PBRM1: variants seen among roughly 807,000 people sequenced by gnomAD.
PBRM1 encodes polybromo 1.
A neutral mutation model predicts 194.5 loss-of-function variants in PBRM1; 27 were observed. That is an observed-to-expected ratio of 0.14 (90% CI 0.10 to 0.19). The LOEUF (loss-of-function observed/expected upper bound fraction) is 0.19. Ranked by LOEUF, PBRM1 falls within the 10% of genes least tolerant of loss-of-function variation. The pLI, the probability that PBRM1 is intolerant of heterozygous loss-of-function variation, is 1.00. For synonymous variants in PBRM1, 655 were observed against 693.2 expected (o/e 0.94, Z 0.87); for missense variants, 1,466 against 2,077.2 (o/e 0.71, Z 5.72).
chr3:52,598,890 C>T (rs574567774), intron 17 of PBRM1, among the ~76,000 whole-genome samples: 5 of 152,070 alleles, frequency 3.3e-5, no homozygotes, highest in Admixed American at 6.5e-5. Context: ...GGTGTGGTGG[C>T]GCACGCCTGT....
chr3:52,568,101 C>G (rs1222778860), intron 22 of PBRM1, among the ~76,000 whole-genome samples: 1 of 152,012 alleles, frequency 6.6e-6, no homozygotes, highest in Non-Finnish European at 1.5e-5. Context: ...GCTTCAGTCT[C>G]CCAGGTAGCT....
chr3:52,679,826 A>G (rs2097172502), upstream of PBRM1: 3 of 813,208 alleles, frequency 3.7e-6, no homozygotes, highest in Non-Finnish European at 3.7e-6. Context: ...ACTTAGGAGG[A>G]TATTTTAACG....
At chr3:52,662,554 A>T (rs2096745691) in intron 3 of PBRM1, among the ~76,000 whole-genome samples, 1 of 152,178 alleles carries the variant, frequency 6.6e-6, no homozygotes. Context: ...ATGACCGGGC[A>T]CAGTGGCTCA....
intron 11 of PBRM1, among the ~76,000 whole-genome samples, chr3:52,633,602 C>G (rs981668970): frequency 5.3e-5 from 8 of 152,104 alleles, no homozygotes; most frequent in Non-Finnish European, 1.0e-4. Flanking sequence ...TTTTCCACAG[C>G]GTCTATACCA....
chr3:52,634,480 G>A (rs1405362523), intron 11 of PBRM1, 122 bp downstream of exon 12: 4 of 631,894 alleles, frequency 6.3e-6, no homozygotes, highest in African/African-American at 3.8e-5. Flanking sequence ...TAAAATTTGA[G>A]GTTAAAAAAA....
intron 7 of PBRM1, among the ~76,000 whole-genome samples, chr3:52,647,966 G>T (rs1380317529): frequency 4.0e-5 from 6 of 151,646 alleles, no homozygotes; most frequent in African/African-American, 1.5e-4. Flanking sequence ...GCCCGGGCTG[G>T]AGTGCAATCT....
intron 20 of PBRM1, among the ~76,000 whole-genome samples, chr3:52,580,796 A>G (rs1379535429): frequency 6.6e-6 from 1 of 152,218 alleles, no homozygotes; most frequent in Non-Finnish European, 1.5e-5. Flanking sequence ...TGGCCACCAG[A>G]TAGGGTTGTT....
At chr3:52,642,620 A>C (rs1429365771) in intron 9 of PBRM1, among the ~76,000 whole-genome samples, 1 of 151,514 alleles carries the variant, frequency 6.6e-6, no homozygotes, top group Non-Finnish European at 1.5e-5. Flanking sequence ...AAAAAAAAAA[A>C]AAAAAAAACC....
chr3:52,672,146 T>C (rs1043899895), intron 2 of PBRM1, among the ~76,000 whole-genome samples: 15 of 152,212 alleles, frequency 9.9e-5, no homozygotes, highest in Admixed American at 6.5e-4. Context: ...TTTCCTTGCC[T>C]TTTTCAGCTT....
rs575438044 is a variant in PBRM1, at chr3:52,583,508, C to T, written c.3387+2917G>A. ...ATCAGTCTTTTCAACTCTTGCCATC[C>T]TGTTAGGTATTATACAAACTATTAG... On this transcript the variant is annotated intron_variant, in intron 20 of 29. Transcript: ENST00000296302. Among the ~76,000 whole-genome samples, 43 of 151,924 alleles carry T rather than the reference C, an allele frequency of 2.8e-4. No homozygotes were observed. In the South Asian group the frequency reaches 7.5e-3, roughly 26 times the overall value.
At chr3:52,664,239 A>AAAAT (rs1185019302) in intron 3 of PBRM1, among the ~76,000 whole-genome samples, 5 of 151,848 alleles carry the variant, frequency 3.3e-5, no homozygotes, top group Admixed American at 2.0e-4. Flanking sequence ...TCTCTTTAAA[A>AAAAT]AAATAAATAA....
intron 25 of PBRM1, among the ~76,000 whole-genome samples, chr3:52,559,239 T>C (rs770117026): frequency 4.6e-5 from 7 of 152,244 alleles, no homozygotes; most frequent in East Asian, 3.9e-4. Context: ...AAAAAGAGCA[T>C]TTGCTGTGGC....
intron 15 of PBRM1, among the ~76,000 whole-genome samples, chr3:52,610,542 T>C (rs1469265364): frequency 6.6e-6 from 1 of 152,196 alleles, no homozygotes; most frequent in Non-Finnish European, 1.5e-5. Context: ...ATGAAAAAGG[T>C]AGGGCTCCTT....
intron 6 of PBRM1, 59 bp downstream of exon 7, chr3:52,651,683 A>T (rs1344668528): frequency 2.1e-6 from 2 of 935,676 alleles, no homozygotes; most frequent in Non-Finnish European, 3.3e-6. Context: ...AGCTTCTAGG[A>T]AAGATCATAG....
intron 20 of PBRM1, chr3:52,585,419 T>C (rs1033959733): frequency 3.9e-5 from 6 of 152,256 alleles, no homozygotes; most frequent in Non-Finnish European, 7.3e-5. Context: ...TTATATCTCT[T>C]CTTGATTCCA....
At chr3:52,672,442 T>C (rs1365417013) in intron 2 of PBRM1, among the ~76,000 whole-genome samples, 2 of 151,568 alleles carry the variant, frequency 1.3e-5, no homozygotes, top group East Asian at 3.9e-4. Context: ...AACACACTCA[T>C]ATACGTTTTC....
intron 2 of PBRM1, among the ~76,000 whole-genome samples, chr3:52,677,408 CTTTTTTTTTTT>C (rs71087007): frequency 0.41 from 45,807 of 110,698 alleles, 8,474 homozygotes; most frequent in Middle Eastern, 0.53. Context: ...CCATGCTCGG[CTTTTTTTTTTT>C]TTTTTTTTTT....
exon 22 of PBRM1, chr3:52,576,673 C>T (rs2153661122): frequency 6.2e-7 from 1 of 1,605,392 alleles, no homozygotes. Context: ...TATGCAGCTC[C>T]ATCTCGAACC....
intron 10 of PBRM1, among the ~76,000 whole-genome samples, chr3:52,641,692 T>C (rs1454045886): frequency 6.6e-6 from 1 of 152,152 alleles, no homozygotes; most frequent in East Asian, 1.9e-4. Context: ...GTACTCACTA[T>C]TTATCATTAT....
Sources: gnomAD v4.1 joint callset for allele counts (sites outside exome capture counted in the v4.1 genomes callset) on GRCh38, gnomAD v4.1.1 for gene constraint, MANE v1.5 for transcripts, NCBI Gene and HGNC (gene_info 2026-07-23, HGNC 2026-07-21) for gene names.